PRICKLE1: variants seen among roughly 807,000 people sequenced by gnomAD.
PRICKLE1 encodes prickle-like protein 1.
A neutral mutation model predicts 70.2 loss-of-function variants in PRICKLE1; 14 were observed. That is an observed-to-expected ratio of 0.20 (90% CI 0.13 to 0.31). PRICKLE1 has a LOEUF of 0.31. Among genes scored for constraint, PRICKLE1 ranks in the 10% least tolerant of loss-of-function variants. PRICKLE1 has a pLI of 1.00. For missense variants in PRICKLE1, 821 were observed against 1,026.2 expected, an observed-to-expected ratio of 0.80 and a Z score of 2.73; for synonymous variants, 357 against 379.9, an observed-to-expected ratio of 0.94 and a Z score of 0.70.
chr12:42,542,682 G>A (rs1359959578), intron 1 of PRICKLE1, among the ~76,000 whole-genome samples: 2 of 152,096 alleles, frequency 1.3e-5, no homozygotes, highest in African/African-American at 4.8e-5. Flanking sequence ...TTTTGCCTTT[G>A]TTGTATTAAA....
intron 1 of PRICKLE1, among the ~76,000 whole-genome samples, chr12:42,547,456 G>A (rs1325891282): frequency 6.6e-6 from 1 of 152,216 alleles, no homozygotes; most frequent in Non-Finnish European, 1.5e-5. Context: ...ATAAACCGCA[G>A]GACTTGGAGT....
intron 1 of PRICKLE1, among the ~76,000 whole-genome samples, chr12:42,529,500 C>T (rs1939870300): frequency 6.6e-6 from 1 of 152,196 alleles, no homozygotes; most frequent in Non-Finnish European, 1.5e-5. Context: ...TATTAGTTCT[C>T]TTGTTTAAAA....
At chr12:42,588,053 C>A (rs1237409693) in intron 1 of PRICKLE1, among the ~76,000 whole-genome samples, 4 of 151,966 alleles carry the variant, frequency 2.6e-5, no homozygotes, top group Non-Finnish European at 4.4e-5. Flanking sequence ...TAATAGAAGG[C>A]GGCTGAACAC....
chr12:42,532,054 C>T (rs1321998080), intron 1 of PRICKLE1, among the ~76,000 whole-genome samples: 1 of 152,160 alleles, frequency 6.6e-6, no homozygotes, highest in East Asian at 1.9e-4. Context: ...GTCCCAGCTA[C>T]TTGAAAGGCT....
intron 1 of PRICKLE1, among the ~76,000 whole-genome samples, chr12:42,555,904 A>C (rs1356961184): frequency 6.6e-6 from 1 of 152,206 alleles, no homozygotes; most frequent in African/African-American, 2.4e-5. Flanking sequence ...CTAAGGGCCC[A>C]GAGAGTAAAA....
chr12:42,538,624 T>TTAC (rs1940054755), intron 1 of PRICKLE1, among the ~76,000 whole-genome samples: 1 of 152,216 alleles, frequency 6.6e-6, no homozygotes, highest in Non-Finnish European at 1.5e-5. Context: ...TTCTCTGAAC[T>TTAC]TCTACTAGAG....
intron 1 of PRICKLE1, among the ~76,000 whole-genome samples, chr12:42,527,917 ATATATATAT>A (rs1939834223): frequency 8.5e-6 from 1 of 117,644 alleles, no homozygotes; most frequent in South Asian, 2.7e-4. Context: ...ACTCTTTATA[ATATATATAT>A]ATATATATAT....
chr12:42,538,644 T>C (rs1940055242), intron 1 of PRICKLE1, among the ~76,000 whole-genome samples: 1 of 152,198 alleles, frequency 6.6e-6, no homozygotes, highest in Admixed American at 6.5e-5. Flanking sequence ...GTTAATACCA[T>C]ATGGTTTAAT....
chr12:42,477,406 C>G (rs1397313258), intron 1 of PRICKLE1, among the ~76,000 whole-genome samples: 1 of 147,394 alleles, frequency 6.8e-6, no homozygotes, highest in South Asian at 2.1e-4. Flanking sequence ...TATATATACA[C>G]ATATTATATA....
chr12:42,473,206 G>A (rs1194164382), intron 1 of PRICKLE1, among the ~76,000 whole-genome samples: 1 of 152,224 alleles, frequency 6.6e-6, no homozygotes, highest in Admixed American at 6.5e-5. Flanking sequence ...AAGGGCTAAA[G>A]TCAGTCAGAC....
intron 1 of PRICKLE1, among the ~76,000 whole-genome samples, chr12:42,531,911 A>ACTTT (rs1939924313): frequency 1.3e-5 from 2 of 152,294 alleles, no homozygotes; most frequent in South Asian, 4.1e-4. Flanking sequence ...TAATCTCAGT[A>ACTTT]CTTTAGGAGG....
chr12:42,549,619 C>A (rs1346427769), intron 1 of PRICKLE1, among the ~76,000 whole-genome samples: 1 of 152,154 alleles, frequency 6.6e-6, no homozygotes, highest in African/African-American at 2.4e-5. Flanking sequence ...ACCTACAAGT[C>A]CCCATAGACC....
intron 1 of PRICKLE1, among the ~76,000 whole-genome samples, chr12:42,482,257 G>A (rs1216275314): frequency 6.6e-6 from 1 of 152,226 alleles, no homozygotes; most frequent in East Asian, 1.9e-4. Flanking sequence ...AGAAACAAAA[G>A]GAGGAAACAT....
rs559863961 is a variant in PRICKLE1, at chr12:42,504,224, C to T, written c.-48-31660G>A. On this transcript the variant is annotated intron_variant, in intron 1 of 7. Transcript: ENST00000345127. ...TTCTGAAAATAGAGGCCAGAAAAGG[C>T]TCAGAGGCACCACTCCTGGATGTGA... is the stretch of plus-strand genomic sequence containing the variant. Among the ~76,000 whole-genome samples the T allele has an allele frequency of 3.3e-5, 5 of 152,256 alleles. No individual in the cohort carries two copies. In the East Asian group the frequency reaches 9.6e-4, roughly 29 times the overall value.
chr12:42,578,022 A>G (rs1940830419), intron 1 of PRICKLE1, among the ~76,000 whole-genome samples: 3 of 152,220 alleles, frequency 2.0e-5, no homozygotes, highest in African/African-American at 7.2e-5. Context: ...AGACCTGCAC[A>G]TAAAGATGCA....
chr12:42,477,978 C>A lies in PRICKLE1; in HGVS notation c.-48-5414G>T, dbSNP rs563118644. 3.7e-3 allele frequency among the ~76,000 whole-genome samples: 465 copies of A among 124,196 alleles called. 5 individuals carry two copies. Among genetic ancestry groups the A allele is most frequent in the African/African-American group, 0.013 (437 of 33,010 alleles). 81.5% of individuals were successfully genotyped at this position (124,196 alleles called of 152,430 possible). On this transcript the variant is annotated intron_variant, in intron 1 of 7. Coordinates refer to ENST00000345127, the MANE Select transcript of PRICKLE1 (RefSeq NM_153026.3). ...TACTTTTTTTTTTTTTTTTTTGGTA[C>A]AATTTTATTTGGACGTTACTTTAAA...
In PRICKLE1 at chr12:42,460,279, G is replaced by T. The variant is rs779314205; in HGVS notation, c.2026C>A (p.Arg676=). Residue 676 remains arginine (R), a synonymous_variant, in exon 8 of 8, where the codon CGG becomes AGG. Coordinates refer to ENST00000345127, the MANE Select transcript of PRICKLE1 (RefSeq NM_153026.3). ...RGSRSHHHRR[R]RSRKSRSDNA... is the part of the protein sequence containing the mutation. Reference sequence around the variant, plus strand: ...TCGGAGCGGGACTTTCTACTTCTCCGGCGGCGGTGGTGATGAGACCTGGAT... The same window carrying T: ...TCGGAGCGGGACTTTCTACTTCTCCTGCGGCGGTGGTGATGAGACCTGGAT... The T allele has an allele frequency of 6.2e-7, 1 of 1,614,120 alleles. No individual in the cohort carries two copies. The highest frequency in any genetic ancestry group is 1.7e-5 in the Admixed American group (1 of 60,016).
intron 1 of PRICKLE1, among the ~76,000 whole-genome samples, chr12:42,574,407 G>A (rs1180113605): frequency 6.6e-6 from 1 of 152,180 alleles, no homozygotes; most frequent in African/African-American, 2.4e-5. Flanking sequence ...GCAACACTCT[G>A]AACCCCACTG....
At chr12:42,543,714 G>A (rs1269629456) in intron 1 of PRICKLE1, among the ~76,000 whole-genome samples, 1 of 151,952 alleles carries the variant, frequency 6.6e-6, no homozygotes, top group Non-Finnish European at 1.5e-5. Flanking sequence ...GTAGAGGTGG[G>A]GTTTCACCGT....
Sources: gnomAD v4.1 joint callset for allele counts (sites outside exome capture counted in the v4.1 genomes callset) on GRCh38, gnomAD v4.1.1 for gene constraint, MANE v1.5 for transcripts, NCBI Gene and HGNC (gene_info 2026-07-23, HGNC 2026-07-21) for gene names.